The following MICALL2 variants were observed in gnomAD, a reference collection of about 807,000 sequenced individuals.
MICALL2 encodes MICAL-like protein 2.
A neutral mutation model predicts 91.1 loss-of-function variants in MICALL2; 111 were observed. The observed-to-expected ratio is 1.22, with a 90% CI of 1.04 to 1.43. The LOEUF is 1.43. Ranked by LOEUF, MICALL2 falls within the 40% of genes most tolerant of loss-of-function variation. The pLI is 0.00. For missense variants in MICALL2, 1,556 were observed against 1,236.0 expected, an observed-to-expected ratio of 1.26 and a Z score of -3.88; for synonymous variants, 694 against 525.3, an observed-to-expected ratio of 1.32 and a Z score of -4.39.
rs921813323 is a variant in MICALL2 at position 1,447,777 on chromosome 7, A to G, written c.335-12T>C. 10 of 1,512,410 alleles carry G rather than the reference A, an allele frequency of 6.6e-6. No homozygotes were observed. In the African/African-American group the frequency reaches 1.4e-4, roughly 21 times the overall value. 93.7% of individuals were successfully genotyped at this position (1,512,410 alleles called of 1,614,324 possible). ...TGCCATGCCCCCAACTGGAGGAATCAAGCAGGGATCGGGAGGGTCCCAGGC... is the reference window on the plus strand; with the variant it reads ...TGCCATGCCCCCAACTGGAGGAATCGAGCAGGGATCGGGAGGGTCCCAGGC... On this transcript the variant is annotated splice_polypyrimidine_tract_variant and intron_variant, in intron 3 of 16. Transcript: ENST00000297508.
chr7:1,442,960 G>A (rs1273614214), intron 6 of MICALL2, among the ~76,000 whole-genome samples: 2 of 152,046 alleles, frequency 1.3e-5, no homozygotes, highest in East Asian at 3.9e-4. Flanking sequence ...ACAGACACAG[G>A]GCCAGACACA....
Position 1,444,380 on chromosome 7 carries a change from G to T in MICALL2, c.1418+272C>A, listed in dbSNP as rs535974928. On this transcript the variant is annotated intron_variant, in intron 6 of 16. Coordinates refer to ENST00000297508, the MANE Select transcript of MICALL2 (RefSeq NM_182924.4). ...AAGGGAGTGCAGCACAGGGGGCCCC[G>T]GAGCGGCAGCGCCACCGCACCCATG... is the stretch of plus-strand genomic sequence containing the variant. 1.3e-3 allele frequency among the ~76,000 whole-genome samples: 192 copies of T among 152,284 alleles called. 1 individual carries two copies. The highest frequency in any genetic ancestry group is 4.5e-3 in the African/African-American group (187 of 41,560).
At chr7:1,445,499 T>C (rs2128522770) in intron 5 of MICALL2, 71 bp from the exon 6 acceptor site, 1 of 1,384,850 alleles carries the variant, frequency 7.2e-7, no homozygotes, top group Non-Finnish European at 9.5e-7. Flanking sequence ...CACGTGCTCC[T>C]GATAGCAGGC....
intron 9 of MICALL2, chr7:1,439,235 C>T: frequency 1.9e-6 from 1 of 519,894 alleles, no homozygotes; most frequent in Non-Finnish European, 3.4e-6. Context: ...CAGGAAGTGG[C>T]ACGAGAGCTG....
intron 1 of MICALL2, among the ~76,000 whole-genome samples, chr7:1,450,706 C>A (rs544862394): frequency 2.6e-5 from 4 of 152,306 alleles, no homozygotes; most frequent in African/African-American, 9.6e-5. Context: ...CCCCAGAGGA[C>A]CACAGGGAAC....
In MICALL2 at chr7:1,444,747, A is replaced by T. The variant is rs767203086; in HGVS notation, c.1323T>A (p.Leu441=). 3.1e-6 allele frequency: 5 copies of T among 1,612,432 alleles called. No individual in the cohort carries two copies. The highest frequency in any genetic ancestry group is 4.2e-6 in the Non-Finnish European group (5 of 1,179,842). ...CCTTGCTGCTGTCCTTGGATAGAAC[A>T]AGTGACGGGGTGGGACCTCTGCCAG... ...SLSGRGPTPS[L]VLSKDSSKEQ... is the part of the protein sequence containing the mutation. Residue 441 remains leucine, a synonymous_variant, in exon 6 of 17, where the codon CTT becomes CTA. Transcript: ENST00000297508.
intron 8 of MICALL2, 90 bp downstream of exon 8, chr7:1,440,501 A>T: frequency 1.7e-6 from 2 of 1,148,376 alleles, no homozygotes; most frequent in South Asian, 1.2e-5. Flanking sequence ...ATCCCTGGAT[A>T]GGCGTGTCAA....
rs762036605 is a variant in MICALL2, at chr7:1,437,974, G to A, written c.2318C>T (p.Ala773Val). The change falls in exon 13 of 17, where the codon GCT (alanine) becomes GTT (valine). Residue 773 changes from alanine to valine, a missense_variant. Physicochemically the swap from Ala to Val is moderately conservative, Grantham distance 64. Coordinates refer to ENST00000297508, the MANE Select transcript of MICALL2 (RefSeq NM_182924.4). ...CCAGTCCACCATGAGGCTATCCTCA[G>A]CGTCATCTGGGGAGAGGAGCCAGCT... The part of the protein sequence containing the change: ...KRLRAAEGDD[A>V]EDSLMVDWFW... 5 of 1,550,494 alleles carry A rather than the reference G, an allele frequency of 3.2e-6. No individual in the cohort carries two copies. Among genetic ancestry groups the A allele is most frequent in the South Asian group, 1.2e-5 (1 of 84,086 alleles).
chr7:1,453,730 C>T (rs532779061), intron 1 of MICALL2, among the ~76,000 whole-genome samples: 25 of 152,154 alleles, frequency 1.6e-4, no homozygotes, highest in African/African-American at 5.5e-4. Context: ...TGGCATCCTC[C>T]AGGGTTTAAT....
At position 1,445,371 on chromosome 7, in the gene MICALL2, CG is replaced by C; in HGVS notation, c.698del (p.Pro233ArgfsTer20). On this transcript the variant is annotated frameshift_variant, in exon 6 of 17. Coordinates refer to ENST00000297508, the MANE Select transcript of MICALL2 (RefSeq NM_182924.4). LOFTEE classifies it high-confidence loss of function. The stretch of plus-strand genomic sequence containing the variant: ...GGTGGCTGGTGCAGACGAAGGTGCC[CG>C]GCTCTCCTGTGGCCTTGTAGGCCCC... The part of the protein sequence containing the change: ...HSGAYKATGE[P>X]GTFVCTSHLP... 6.3e-7 allele frequency: 1 copy of C among 1,587,098 alleles called. No homozygotes were observed. The highest frequency in any genetic ancestry group is 2.3e-5 in the East Asian group (1 of 43,888).
chr7:1,438,490 C>A (rs537844992), intron 10 of MICALL2, 137 bp from the exon 11 acceptor site: 10 of 1,471,426 alleles, frequency 6.8e-6, no homozygotes, highest in Non-Finnish European at 9.0e-6. Context: ...CACACGCCCA[C>A]TGGACTGCCC....
intron 2 of MICALL2, 26 bp downstream of exon 2, chr7:1,450,214 G>A (rs376463110): frequency 5.3e-5 from 86 of 1,607,938 alleles, no homozygotes; most frequent in African/African-American, 9.4e-5. Flanking sequence ...TAAGCCAGCT[G>A]TGAGGCCGGG....
In MICALL2 at chr7:1,442,088, G is replaced by A. The variant is rs1028564549; in HGVS notation, c.1711+104C>T. 2.7e-5 allele frequency: 35 copies of A among 1,287,266 alleles called. No individual in the cohort carries two copies. In the East Asian group the frequency reaches 3.9e-4, roughly 15 times the overall value. 79.7% of individuals were successfully genotyped at this position (1,287,266 alleles called of 1,614,324 possible). ...ACAGAGATGAGACGGAGAGGAAGGCGGGCGGGGCTGATGATGAAACCGCAC... is the reference window on the plus strand; with the variant it reads ...ACAGAGATGAGACGGAGAGGAAGGCAGGCGGGGCTGATGATGAAACCGCAC... On this transcript the variant is annotated intron_variant, in intron 7 of 16. Coordinates refer to ENST00000297508, the MANE Select transcript of MICALL2 (RefSeq NM_182924.4).
chr7:1,436,177 G>A (rs1361058573), intron 15 of MICALL2, among the ~76,000 whole-genome samples: 3 of 151,990 alleles, frequency 2.0e-5, no homozygotes, highest in Non-Finnish European at 4.4e-5. Flanking sequence ...ATCACCTGAG[G>A]TCAGGAGTTC....
rs564871563 is a variant in MICALL2, at chr7:1,450,394, T to C, written c.144-106A>G. Reference sequence around the variant, plus strand: ...CCAAACAGAGAAACCGAGGCCAGGATGGGGGGCTGTGAAGGAATGAGGTGG... The same window carrying C: ...CCAAACAGAGAAACCGAGGCCAGGACGGGGGGCTGTGAAGGAATGAGGTGG... On this transcript the variant is annotated intron_variant, in intron 1 of 16. Coordinates refer to ENST00000297508, the MANE Select transcript of MICALL2 (RefSeq NM_182924.4). 1,827 of 910,384 alleles carry C rather than the reference T, an allele frequency of 2.0e-3. 35 individuals carry two copies. The South Asian group carries it at 0.022, about 11-fold the overall frequency. The allele number at this position is 910,384 out of a possible 1,614,324, so 56.4% of individuals were successfully genotyped here. A position where few individuals can be genotyped will look rare whatever the true frequency, so the allele number is the denominator to read the frequency against.
chr7:1,453,963 C>G (rs1780924798), intron 1 of MICALL2, among the ~76,000 whole-genome samples: 1 of 152,170 alleles, frequency 6.6e-6, no homozygotes, highest in Admixed American at 6.5e-5. Context: ...CTGGCCAACT[C>G]TCCACCGTGC....
chr7:1,439,149 C>G (rs150229419), intron 9 of MICALL2, 154 bp from the exon 10 acceptor site: 1 of 629,216 alleles, frequency 1.6e-6, no homozygotes, highest in Non-Finnish European at 2.7e-6. Context: ...ACAAGCCCTA[C>G]ACCCACGTCC....
chr7:1,442,317 G>A lies in MICALL2; in HGVS notation c.1586C>T (p.Ser529Phe). The change falls in exon 7 of 17, where the codon TCC becomes TTC. Residue 529 changes from serine to phenylalanine, a missense_variant. Physicochemically the swap from Ser to Phe is radical, Grantham distance 155 (BLOSUM62 -2). Transcript: ENST00000297508. ...CCTCCTGCCTGCCGGGGGCAACGCGGATGCCTGAGAGGTACTGCTCGTGCT... is the reference window on the plus strand; with the variant it reads ...CCTCCTGCCTGCCGGGGGCAACGCGAATGCCTGAGAGGTACTGCTCGTGCT... Reference protein sequence around the residue: ...PLSTSSTSQASALPPAGRRNL... With the variant: ...PLSTSSTSQAFALPPAGRRNL... The A allele has an allele frequency of 6.2e-7, 1 of 1,613,242 alleles. No individual in the cohort carries two copies. The highest frequency in any genetic ancestry group is 1.1e-5 in the South Asian group (1 of 91,074).
chr7:1,452,975 G>A lies in MICALL2; in HGVS notation c.144-2687C>T, dbSNP rs574861552. The stretch of plus-strand genomic sequence containing the variant: ...GAACAGCTTTTCCCACACTCCGCCC[G>A]ATGCACCCGCCAGGCCCTCCCCAGA... On this transcript the variant is annotated intron_variant, in intron 1 of 16. Coordinates refer to ENST00000297508, the MANE Select transcript of MICALL2 (RefSeq NM_182924.4). This position sits in a 1 kb window ranked among gnomAD's most constrained non-coding sequence, Gnocchi z 6.2. 3.3e-4 allele frequency among the ~76,000 whole-genome samples: 50 copies of A among 151,750 alleles called. No homozygotes were observed. The highest frequency in any genetic ancestry group is 9.0e-4 in the African/African-American group (37 of 41,322).
Sources: allele counts gnomAD v4.1 joint callset (sites outside exome capture counted in the v4.1 genomes callset), GRCh38; gene constraint gnomAD v4.1.1; non-coding constraint Gnocchi (gnomAD v3.1); transcripts MANE v1.5; gene names NCBI Gene and HGNC (gene_info 2026-07-23, HGNC 2026-07-21).